The following ZNF438 variants were observed in gnomAD, a reference collection of about 807,000 sequenced individuals.
The protein encoded by ZNF438 is zinc finger protein 438.
ZNF438 carries 25 observed loss-of-function variants against 38.0 expected under a neutral mutation model. That is an observed-to-expected ratio of 0.66 (90% CI 0.48 to 0.92). ZNF438 has a LOEUF of 0.92. ZNF438 is among the 40% of genes least tolerant of loss of function. The pLI is 0.00. For synonymous variants in ZNF438, 372 were observed against 364.1 expected (o/e 1.02, Z -0.25); for missense variants, 1,007 against 999.6 (o/e 1.01, Z -0.10).
At chr10:30,938,295 TA>T (rs1320227339) in intron 2 of ZNF438, among the ~76,000 whole-genome samples, 5 of 151,868 alleles carry the variant, frequency 3.3e-5, no homozygotes, top group Admixed American at 3.3e-4. Context: ...TTTTTTTTTT[TA>T]GATGGAGTTT....
At chr10:30,863,797 C>T (rs943336060) in intron 4 of ZNF438, among the ~76,000 whole-genome samples, 1 of 152,186 alleles carries the variant, frequency 6.6e-6, no homozygotes, top group Admixed American at 6.5e-5. Context: ...GGTTCGCCCC[C>T]TTGCTGTCTT....
intron 3 of ZNF438, among the ~76,000 whole-genome samples, chr10:30,877,419 T>C (rs2038595005): frequency 6.6e-6 from 1 of 152,228 alleles, no homozygotes; most frequent in Non-Finnish European, 1.5e-5. Context: ...ATAGCTAACA[T>C]GCTTAACAGT....
Position 30,916,301 on chromosome 10 carries a change from AAAG to A in ZNF438, c.-114-7289_-114-7287del, listed in dbSNP as rs1421657447. On this transcript the variant is annotated intron_variant, in intron 2 of 5. Coordinates refer to ENST00000413025, the Ensembl canonical transcript of ZNF438. ...CGTATTATTGCTAAGAAGTATCCTTAAAGATTATTTAAGTGTACCTCTAATTTC... is the reference window on the plus strand; with the variant it reads ...CGTATTATTGCTAAGAAGTATCCTTAATTATTTAAGTGTACCTCTAATTTC... Among the ~76,000 whole-genome samples the A allele has an allele frequency of 6.6e-5, 10 of 152,176 alleles. No homozygotes were observed. The East Asian group carries it at 1.9e-3, about 29-fold the overall frequency.
intron 1 of ZNF438, among the ~76,000 whole-genome samples, chr10:31,004,789 G>A (rs1013883521): frequency 6.6e-6 from 1 of 151,768 alleles, no homozygotes; most frequent in Admixed American, 6.6e-5. Context: ...GAAAGGAAGT[G>A]ATAAGTAGAA....
intron 3 of ZNF438, among the ~76,000 whole-genome samples, chr10:30,901,653 G>A (rs2041998975): frequency 6.6e-6 from 1 of 151,888 alleles, no homozygotes; most frequent in Non-Finnish European, 1.5e-5. Context: ...TTGGCAATAG[G>A]CGATGGTCTC....
Position 30,848,545 on chromosome 10 carries a change from C to CA in ZNF438, c.1859_1860insT (p.Glu620AspfsTer49), listed in dbSNP as rs2032833458. On this transcript the variant is annotated frameshift_variant, in exon 5 of 6. Coordinates refer to ENST00000413025, the Ensembl canonical transcript of ZNF438. LOFTEE classifies it low-confidence loss of function (END_TRUNC). ...TTGGCACTCACCTCTCCAATGATCC[C>CA]TCCATGCCTCGCACACTCATGTCTC... The CA allele has an allele frequency of 8.7e-6, 14 of 1,613,136 alleles. No individual in the cohort carries two copies. The highest frequency in any genetic ancestry group is 1.1e-5 in the Non-Finnish European group (13 of 1,179,184).
intron 2 of ZNF438, among the ~76,000 whole-genome samples, chr10:30,912,694 C>G (rs1178882284): frequency 6.6e-6 from 1 of 152,052 alleles, no homozygotes; most frequent in African/African-American, 2.4e-5. Context: ...TACTGTCTGA[C>G]ATTGGACAAG....
chr10:30,952,455 T>G (rs1415074115), intron 1 of ZNF438, among the ~76,000 whole-genome samples: 5 of 151,752 alleles, frequency 3.3e-5, no homozygotes, highest in African/African-American at 1.2e-4. Flanking sequence ...ACCATCAGAG[T>G]GAACAGGCAA....
At chr10:30,918,424 T>C (rs2043901400) in intron 2 of ZNF438, among the ~76,000 whole-genome samples, 1 of 152,192 alleles carries the variant, frequency 6.6e-6, no homozygotes, top group African/African-American at 2.4e-5. Context: ...TTTCTATCTT[T>C]AATTTTTCTC....
intron 1 of ZNF438, among the ~76,000 whole-genome samples, chr10:31,007,919 G>T (rs2055316771): frequency 6.6e-6 from 1 of 152,152 alleles, no homozygotes; most frequent in Non-Finnish European, 1.5e-5. Context: ...AATGAGGGGG[G>T]ACTAGATGAC....
intron 1 of ZNF438, among the ~76,000 whole-genome samples, chr10:31,026,208 G>A (rs1387350381): frequency 6.6e-6 from 1 of 152,090 alleles, no homozygotes; most frequent in African/African-American, 2.4e-5. Context: ...AACACCAAAA[G>A]CAATGGCAAC....
At chr10:31,013,178 G>A (rs1053230681) in intron 1 of ZNF438, among the ~76,000 whole-genome samples, 11 of 152,126 alleles carry the variant, frequency 7.2e-5, no homozygotes, top group African/African-American at 1.4e-4. Context: ...AATTAGCCGC[G>A]CGCGGTGGCG....
At chr10:30,956,826 T>C (rs1223605877) in intron 1 of ZNF438, among the ~76,000 whole-genome samples, 2 of 152,224 alleles carry the variant, frequency 1.3e-5, no homozygotes, top group Non-Finnish European at 1.5e-5. Context: ...TTGGCTATTG[T>C]AACTAGTGCT....
chr10:30,862,336 C>CT (rs2133186499), intron 4 of ZNF438, among the ~76,000 whole-genome samples: 1 of 152,266 alleles, frequency 6.6e-6, no homozygotes, highest in African/African-American at 2.4e-5. Flanking sequence ...GGGACTCGCT[C>CT]TATCACCCAG....
At chr10:30,851,861 T>C (rs887927908) in intron 4 of ZNF438, among the ~76,000 whole-genome samples, 19 of 151,878 alleles carry the variant, frequency 1.3e-4, no homozygotes, top group African/African-American at 4.6e-4. Context: ...AAACAGACAA[T>C]TGAAAATGTA....
At chr10:31,008,162 T>C (rs1247406397) in intron 1 of ZNF438, among the ~76,000 whole-genome samples, 3 of 152,212 alleles carry the variant, frequency 2.0e-5, no homozygotes, top group Admixed American at 6.5e-5. Flanking sequence ...AGGAAAAATA[T>C]CTAAGTCATC....
At chr10:30,884,942 C>T (rs1301061466) in intron 3 of ZNF438, among the ~76,000 whole-genome samples, 1 of 152,192 alleles carries the variant, frequency 6.6e-6, no homozygotes, top group African/African-American at 2.4e-5. Context: ...GCTCAACATG[C>T]TGATTAACTT....
intron 3 of ZNF438, among the ~76,000 whole-genome samples, chr10:30,889,515 C>T (rs1564577613): frequency 6.6e-6 from 1 of 152,146 alleles, no homozygotes; most frequent in Non-Finnish European, 1.5e-5. Flanking sequence ...AAGTGATTCT[C>T]CTGTCTCAGC....
chr10:30,849,514 G>A (rs2033106960), exon 5 of ZNF438: 1 of 1,614,252 alleles, frequency 6.2e-7, no homozygotes, highest in Non-Finnish European at 8.5e-7. Flanking sequence ...TCATTCTTGA[G>A]TAGGGTGGGA....
Sources: gnomAD v4.1 joint callset for allele counts (sites outside exome capture counted in the v4.1 genomes callset) on GRCh38, gnomAD v4.1.1 for gene constraint, MANE v1.5 for transcripts, NCBI Gene and HGNC (gene_info 2026-07-23, HGNC 2026-07-21) for gene names.